ZFYVE16: variants seen among roughly 807,000 people sequenced by gnomAD.
The protein encoded by ZFYVE16 is zinc finger FYVE-type containing 16, also known as zinc finger FYVE domain-containing protein 16.
Under a neutral mutation model 138.1 loss-of-function variants are expected in ZFYVE16, and 89 were observed. That is an observed-to-expected ratio of 0.64 (90% CI 0.54 to 0.77). The LOEUF is 0.77. ZFYVE16 is among the 30% of genes least tolerant of loss of function. The pLI is 0.00. For synonymous variants in ZFYVE16, 596 were observed against 618.3 expected (o/e 0.96, Z 0.53); for missense variants, 1,793 against 1,786.7 (o/e 1.00, Z -0.06).
Position 80,480,398 on chromosome 5 carries a change from A to C in ZFYVE16, c.*3021A>C, listed in dbSNP as rs249037. Among the ~76,000 whole-genome samples the C allele has an allele frequency of 0.79, 119,203 of 151,690 alleles. 49,529 individuals are homozygous for C. The highest frequency in any genetic ancestry group is 0.92 in the East Asian group (4,740 of 5,158). On this transcript the variant is annotated 3_prime_UTR_variant, in exon 19 of 19. Coordinates refer to ENST00000505560, the MANE Select transcript of ZFYVE16 (RefSeq NM_001284236.3). ...ATAAACTGGAAGATAACTCAGGAGA[A>C]ACTATTCACAGTGCACCATGGGAGA...
At chr5:80,456,013 C>T (rs1466078859) in intron 12 of ZFYVE16, 2 of 433,136 alleles carry the variant, frequency 4.6e-6, no homozygotes, top group South Asian at 5.7e-5. Context: ...TTGATTCATT[C>T]TCCTGCAGTT....
rs887739563 is a variant in ZFYVE16 at position 80,437,203 on chromosome 5, C to T, written c.518C>T (p.Pro173Leu). Reference sequence around the variant, plus strand: ...GATTTATCTTCAGTGTCAGATACTCCCTGTGTTTCTTCAACAGACCATGAT... The same window carrying T: ...GATTTATCTTCAGTGTCAGATACTCTCTGTGTTTCTTCAACAGACCATGAT... Reference protein sequence around the residue: ...GLDLSSVSDTPCVSSTDHDSD... With the variant: ...GLDLSSVSDTLCVSSTDHDSD... The change falls in exon 4 of 19, where the codon CCC becomes CTC. Residue 173 changes from proline to leucine, a missense_variant. Around this residue, in one of 2 missense-constraint regions of ZFYVE16, gnomAD observed 1,295 missense variants for 1,204.3 expected, o/e 1.08. Coordinates refer to ENST00000505560, the MANE Select transcript of ZFYVE16 (RefSeq NM_001284236.3). The T allele has an allele frequency of 1.5e-5, 25 of 1,613,784 alleles. No homozygotes were observed. The highest frequency in any genetic ancestry group is 2.1e-5 in the Non-Finnish European group (25 of 1,179,980).
intron 12 of ZFYVE16, 148 bp from the exon 13 acceptor site, chr5:80,456,313 C>T: frequency 1.7e-6 from 1 of 578,564 alleles, no homozygotes; most frequent in South Asian, 2.6e-5. Flanking sequence ...AGTTCTGTAA[C>T]TAGAAAGTTA....
chr5:80,434,073 A>G, intron 2 of ZFYVE16, 36 bp from the exon 3 acceptor site: 1 of 1,381,874 alleles, frequency 7.2e-7, no homozygotes, highest in Non-Finnish European at 1.0e-6. Flanking sequence ...TTGTTATGTA[A>G]TTAAATGAAA....
chr5:80,466,986 G>C (rs1753814520), intron 15 of ZFYVE16, among the ~76,000 whole-genome samples: 3 of 152,160 alleles, frequency 2.0e-5, no homozygotes, highest in Admixed American at 2.0e-4. Context: ...GGTGGGGGCA[G>C]TAAGGGGTTG....
chr5:80,455,868 T>G, intron 12 of ZFYVE16, 94 bp downstream of exon 12: 1 of 1,079,102 alleles, frequency 9.3e-7, no homozygotes, highest in African/African-American at 1.7e-5. Flanking sequence ...CCTACTTTAA[T>G]TTGCCATATT....
chr5:80,444,238 G>T (rs539029104), intron 6 of ZFYVE16, among the ~76,000 whole-genome samples: 1 of 151,924 alleles, frequency 6.6e-6, no homozygotes, highest in Non-Finnish European at 1.5e-5. Context: ...TTATATGGTC[G>T]TATATTATAG....
At chr5:80,440,988 G>T (rs1750646403) in intron 5 of ZFYVE16, 1 of 985,212 alleles carries the variant, frequency 1.0e-6, no homozygotes, top group Non-Finnish European at 1.2e-6. Context: ...GTTGACCTCT[G>T]CTCTGGAAGA....
chr5:80,443,332 A>G (rs1400903603), intron 6 of ZFYVE16, 48 bp downstream of exon 6: 1 of 1,572,320 alleles, frequency 6.4e-7, no homozygotes, highest in Admixed American at 2.0e-5. Context: ...TTATTGAAAT[A>G]GAAATTCTCT....
intron 1 of ZFYVE16, among the ~76,000 whole-genome samples, chr5:80,426,212 G>A (rs1488345611): frequency 1.4e-5 from 2 of 145,036 alleles, no homozygotes; most frequent in African/African-American, 5.2e-5. Context: ...GTGTGTGTGT[G>A]TGTGTGTGTG....
chr5:80,410,849 C>T (rs1190456032), intron 1 of ZFYVE16, among the ~76,000 whole-genome samples: 2 of 147,602 alleles, frequency 1.4e-5, no homozygotes, highest in African/African-American at 5.0e-5. Flanking sequence ...ATTGCAGGTA[C>T]GAGCCACCTC....
intron 15 of ZFYVE16, among the ~76,000 whole-genome samples, chr5:80,461,921 G>A (rs542226710): frequency 6.6e-6 from 1 of 151,980 alleles, no homozygotes; most frequent in South Asian, 2.1e-4. Flanking sequence ...GCAGTGAGCT[G>A]AGATTGCACC....
rs1755261158 is a variant in ZFYVE16 at position 80,481,291 on chromosome 5, T to G, written c.*3914T>G. Among the ~76,000 whole-genome samples, 1 of 151,936 alleles carries G rather than the reference T, an allele frequency of 6.6e-6. No homozygotes were observed. The highest frequency in any genetic ancestry group is 1.5e-5 in the Non-Finnish European group (1 of 67,986). On this transcript the variant is annotated 3_prime_UTR_variant, in exon 19 of 19. Transcript: ENST00000505560. ...TTCTAGCCAAAAACCAAGAATGGGG[T>G]TCTAGAAACCAGAGTATAGGTAAGA... is the stretch of plus-strand genomic sequence containing the variant.
chr5:80,443,705 C>A, intron 6 of ZFYVE16: 2 of 456,618 alleles, frequency 4.4e-6, no homozygotes, highest in South Asian at 3.1e-5. Flanking sequence ...GCAGCTGTAT[C>A]TGTTGGTGGT....
At chr5:80,459,635 CAAG>C (rs1752899429) in intron 15 of ZFYVE16, 141 bp downstream of exon 15, 1 of 648,604 alleles carries the variant, frequency 1.5e-6, no homozygotes. Flanking sequence ...TCAACCAGCA[CAAG>C]AAGTAGAAGA....
In ZFYVE16 at chr5:80,467,831, A is replaced by G. The variant is rs1431389589; in HGVS notation, c.4025-4930A>G. Among the ~76,000 whole-genome samples, 6 of 152,232 alleles carry G rather than the reference A, an allele frequency of 3.9e-5. No homozygotes were observed. In the East Asian group the frequency reaches 7.7e-4, roughly 19 times the overall value. On this transcript the variant is annotated intron_variant, in intron 15 of 18. Coordinates refer to ENST00000505560, the MANE Select transcript of ZFYVE16 (RefSeq NM_001284236.3). ...ACAAGACAAAGGGTATAAATCAATTATTTAAAATATGTTCAGAGAACTAAA... is the reference window on the plus strand; with the variant it reads ...ACAAGACAAAGGGTATAAATCAATTGTTTAAAATATGTTCAGAGAACTAAA...
rs1755064658 is a variant in ZFYVE16 at position 80,477,928 on chromosome 5, T to C, written c.*551T>C. The C allele has an allele frequency of 6.6e-6, 1 of 152,286 alleles. No homozygotes were observed. Among genetic ancestry groups the C allele is most frequent in the African/African-American group, 2.4e-5 (1 of 41,574 alleles). The allele number at this position is 152,286 out of a possible 1,614,324, so 9.4% of individuals were successfully genotyped here. ...TACCTCCATAATTAGATAAACTCTT[T>C]TTGGATTATAATCAGAATTTTGCCT... On this transcript the variant is annotated 3_prime_UTR_variant, in exon 19 of 19. Coordinates refer to ENST00000505560, the MANE Select transcript of ZFYVE16 (RefSeq NM_001284236.3).
intron 1 of ZFYVE16, among the ~76,000 whole-genome samples, chr5:80,423,440 T>A (rs1747531436): frequency 1.3e-5 from 2 of 152,218 alleles, no homozygotes; most frequent in African/African-American, 4.8e-5. Context: ...TTTATTGGTC[T>A]TTTAAAGGAA....
chr5:80,430,259 C>A (rs1748796792), intron 2 of ZFYVE16, among the ~76,000 whole-genome samples: 1 of 152,070 alleles, frequency 6.6e-6, no homozygotes. Flanking sequence ...ACAGTGCAAT[C>A]AAACTAGAAC....
Sources: allele counts gnomAD v4.1 joint callset (sites outside exome capture counted in the v4.1 genomes callset), GRCh38; gene constraint gnomAD v4.1.1; regional missense constraint gnomAD v4.1.1; transcripts MANE v1.5; gene names NCBI Gene and HGNC (gene_info 2026-07-23, HGNC 2026-07-21).